Variants in STAC3 observed in about 807,000 individuals in gnomAD.
STAC3 encodes the protein SH3 and cysteine rich domain 3.
In STAC3, 30 loss-of-function variants were observed where a neutral mutation model predicts 48.5. The ratio of observed to expected loss-of-function variants is 0.62; its 90% confidence interval spans 0.46 to 0.84. STAC3 has a LOEUF of 0.84. Ranked by LOEUF, STAC3 falls within the 40% of genes least tolerant of loss-of-function variation. The pLI is 0.00. For synonymous variants in STAC3, 144 were observed against 158.6 expected, an observed-to-expected ratio of 0.91 and a Z score of 0.69; for missense variants, 419 against 462.6, an observed-to-expected ratio of 0.91 and a Z score of 0.86.
chr12:57,246,935 G>T, intron 5 of STAC3, 34 bp from the exon 6 acceptor site: 1 of 1,597,294 alleles, frequency 6.3e-7, no homozygotes, highest in South Asian at 1.1e-5. Flanking sequence ...AGACATTATT[G>T]GGAAGGCAGA....
intron 6 of STAC3, among the ~76,000 whole-genome samples, chr12:57,245,592 A>C (rs2037720583): frequency 6.6e-6 from 1 of 151,870 alleles, no homozygotes; most frequent in South Asian, 2.1e-4. Flanking sequence ...GGATGATCTC[A>C]ATCTCCTGAC....
At chr12:57,249,457 G>T in intron 2 of STAC3, 114 bp downstream of exon 2, 1 of 1,505,944 alleles carries the variant, frequency 6.6e-7, no homozygotes, top group Non-Finnish European at 9.1e-7. Context: ...GGGGACTGCA[G>T]GTGCTGGCCA....
In STAC3 at chr12:57,243,520, C is replaced by A. The variant is rs966033527; in HGVS notation, c.*292G>T. 4 of 457,842 alleles carry A rather than the reference C, an allele frequency of 8.7e-6. No individual in the cohort carries two copies. The highest frequency in any genetic ancestry group is 5.8e-5 in the East Asian group (1 of 17,276). The allele number at this position is 457,842 out of a possible 1,614,324, so 28.4% of individuals were successfully genotyped here. ...GACAGTTCGCCCTCCCTCGCCCCCG[C>A]CCCCCGCCCCAGTCCCTGGCTCCTC... On this transcript the variant is annotated 3_prime_UTR_variant, in exon 12 of 12. Transcript: ENST00000332782.
chr12:57,250,305 G>A (rs780613390), intron 1 of STAC3, among the ~76,000 whole-genome samples: 1 of 146,030 alleles, frequency 6.8e-6, no homozygotes, highest in Non-Finnish European at 1.5e-5. Flanking sequence ...AAGGATAATC[G>A]CTTGAACCCG....
At chr12:57,248,904 C>T in intron 3 of STAC3, 101 bp from the exon 4 acceptor site, 1 of 1,527,108 alleles carries the variant, frequency 6.5e-7, no homozygotes, top group East Asian at 2.2e-5. Flanking sequence ...TGGGACCCTA[C>T]TTGCTCAATC....
chr12:57,248,069 G>A (rs1325869791), intron 5 of STAC3, 57 bp downstream of exon 5: 1 of 1,478,928 alleles, frequency 6.8e-7, no homozygotes, highest in East Asian at 2.3e-5. Flanking sequence ...AGCTAGAGAT[G>A]GCATGAAACC....
chr12:57,246,391 C>CTTT (rs35690784), intron 6 of STAC3, among the ~76,000 whole-genome samples: 15 of 136,900 alleles, frequency 1.1e-4, no homozygotes, highest in African/African-American at 3.4e-4. Flanking sequence ...TCCTTCCTTC[C>CTTT]TTTTTTTTTT....
chr12:57,248,550 T>C (rs1219549779), intron 4 of STAC3, among the ~76,000 whole-genome samples, 156 bp downstream of exon 4: 1 of 152,070 alleles, frequency 6.6e-6, no homozygotes, highest in African/African-American at 2.4e-5. Context: ...GGCTAATTTT[T>C]TGTATTTAGA....
chr12:57,245,674 A>G (rs1210139432), intron 6 of STAC3, among the ~76,000 whole-genome samples: 1 of 151,492 alleles, frequency 6.6e-6, no homozygotes, highest in African/African-American at 2.4e-5. Context: ...CCGGCCATGC[A>G]GGGACTTTCC....
chr12:57,244,981 C>G lies in STAC3; in HGVS notation c.671-16G>C, dbSNP rs752616330. On this transcript the variant is annotated splice_polypyrimidine_tract_variant and intron_variant, in intron 7 of 11. Transcript: ENST00000332782. ...TCAGGGTTTCCTGGGATAGGAAACA[C>G]CAACAAATTGTCTGTCTCCTGGAGG... 1 of 1,614,020 alleles carries G rather than the reference C, an allele frequency of 6.2e-7. No individual in the cohort carries two copies. The highest frequency in any genetic ancestry group is 8.5e-7 in the Non-Finnish European group (1 of 1,179,930).
chr12:57,245,199 T>C lies in STAC3; in HGVS notation c.616A>G (p.Met206Val), dbSNP rs1420318424. 1.9e-6 allele frequency: 3 copies of C among 1,613,952 alleles called. No homozygotes were observed. Among genetic ancestry groups the C allele is most frequent in the Admixed American group, 1.7e-5 (1 of 59,986 alleles). ...QADKKNPVAA[M>V]MEEEPESARP... ...GCCGACTCTGGCTCCTCCTCCATCA[T>C]GGCTGCTACAGGCTGGAGGGGGCAC... The change falls in exon 7 of 12, where the codon ATG becomes GTG. Residue 206 changes from methionine to valine, a missense_variant. Met to Val is a conservative substitution (Grantham distance 21). Coordinates refer to ENST00000332782, the MANE Select transcript of STAC3 (RefSeq NM_145064.3).
Position 57,249,582 on chromosome 12 carries a change from G to A in STAC3, c.55C>T (p.Arg19Trp), listed in dbSNP as rs202174922. ...SPKPSFPAETRQSGLQRLKQL... is the reference protein window; with the variant it reads ...SPKPSFPAETWQSGLQRLKQL... ...AGGCCCAGACTCACCCCACTTTGCC[G>A]AGTCTCTGCTGGGAAGGAGGGCTTA... is the stretch of plus-strand genomic sequence containing the variant. The change falls in exon 2 of 12, where the codon CGG becomes TGG. Residue 19 changes from arginine (R) to tryptophan (W), a missense_variant. Physicochemically the swap from Arg to Trp is moderately radical, Grantham distance 101. Coordinates refer to ENST00000332782, the MANE Select transcript of STAC3 (RefSeq NM_145064.3). The A allele has an allele frequency of 6.8e-6, 11 of 1,613,896 alleles. No homozygotes were observed. Among genetic ancestry groups the A allele is most frequent in the Admixed American group, 1.7e-5 (1 of 59,986 alleles).
intron 8 of STAC3, 60 bp downstream of exon 8, chr12:57,244,856 T>C: frequency 6.3e-7 from 1 of 1,580,182 alleles, no homozygotes; most frequent in Non-Finnish European, 8.7e-7. Flanking sequence ...CCATGAGTAG[T>C]GGTGTCAGAG....
chr12:57,246,701 T>G, intron 6 of STAC3, 103 bp downstream of exon 6: 1 of 1,135,240 alleles, frequency 8.8e-7, no homozygotes, highest in South Asian at 1.3e-5. Context: ...TTGTGCAATT[T>G]TAGGGGAAGA....
At position 57,245,145 on chromosome 12, in the gene STAC3, C is replaced by T. The variant is rs2037704392; in HGVS notation, c.670G>A (p.Gly224Arg). ...ARPEEGKPQD[G>R]NPEGDKKAEK... ...CTGGATGGAGGTGGGTAACACTCAC[C>T]ATCCTGGGGTTTGCCTTCCTCTGGT... The change falls in exon 7 of 12, where the codon GGA becomes AGA. Residue 224 changes from glycine to arginine, a missense_variant and splice_region_variant. Coordinates refer to ENST00000332782, the MANE Select transcript of STAC3 (RefSeq NM_145064.3). The T allele has an allele frequency of 1.9e-6, 3 of 1,614,090 alleles. No individual in the cohort carries two copies. Among genetic ancestry groups the T allele is most frequent in the Non-Finnish European group, 2.5e-6 (3 of 1,179,998 alleles).
At chr12:57,247,416 ATTATTATTATTATTTTTTTTTT>A (rs765823810) in intron 5 of STAC3, among the ~76,000 whole-genome samples, 1 of 47,992 alleles carries the variant, frequency 2.1e-5, no homozygotes, top group Admixed American at 2.0e-4. Flanking sequence ...TATTATTATT[ATTATTATTATTATTTTTTTTTT>A]TTTTTTTTTT....
chr12:57,246,109 CAAA>C (rs71084732), intron 6 of STAC3, among the ~76,000 whole-genome samples: 32 of 80,258 alleles, frequency 4.0e-4, no homozygotes, highest in Admixed American at 6.7e-4. Context: ...AACTCTATCT[CAAA>C]AAAAAAAAAA....
At position 57,243,889 on chromosome 12, in the gene STAC3, CG is replaced by C. The variant is rs767655761; in HGVS notation, c.1017del (p.Asp339GlufsTer23). 1.9e-6 allele frequency: 3 copies of C among 1,613,674 alleles called. No individual in the cohort carries two copies. The African/African-American group carries it at 4.0e-5, about 22-fold the overall frequency. On this transcript the variant is annotated frameshift_variant, in exon 12 of 12. Transcript: ENST00000332782. LOFTEE classifies it high-confidence loss of function. ...KKDQIVVQKG[D>X]EAGGYVKVYT... ...TAGACCTTGACGTAGCCGCCCGCTT[CG>C]TCTCCTTTCTGCACCACGATCTAGA...
intron 6 of STAC3, among the ~76,000 whole-genome samples, chr12:57,245,864 C>T (rs368682906): frequency 5.9e-5 from 9 of 151,768 alleles, no homozygotes; most frequent in African/African-American, 1.9e-4. Flanking sequence ...AATCCCAGCA[C>T]TTTGGGAGGC....
Sources: gnomAD v4.1 joint callset for allele counts (sites outside exome capture counted in the v4.1 genomes callset) on GRCh38, gnomAD v4.1.1 for gene constraint, MANE v1.5 for transcripts, NCBI Gene and HGNC (gene_info 2026-07-23, HGNC 2026-07-21) for gene names.